ZC3H3: variants seen among roughly 807,000 people sequenced by gnomAD.
ZC3H3 encodes the protein zinc finger CCCH domain-containing protein 3.
A neutral mutation model predicts 77.3 loss-of-function variants in ZC3H3; 36 were observed. The observed-to-expected ratio is 0.47, with a 90% confidence interval of 0.36 to 0.61. The LOEUF is 0.61. ZC3H3 is among the 20% of genes least tolerant of loss of function. The pLI is 0.00. For missense variants in ZC3H3, 1,331 were observed against 1,312.2 expected (o/e 1.01, Z -0.22); for synonymous variants, 626 against 555.2 (o/e 1.13, Z -1.79).
Position 143,538,421 on chromosome 8 carries a change from C to T in ZC3H3, c.946G>A (p.Ala316Thr), listed in dbSNP as rs776470150. The T allele has an allele frequency of 2.5e-6, 4 of 1,613,258 alleles. No homozygotes were observed. Among genetic ancestry groups the T allele is most frequent in the Middle Eastern group, 3.3e-4 (2 of 6,062 alleles). The change falls in exon 2 of 12, where the codon GCC becomes ACC. Residue 316 changes from alanine (A) to threonine (T), a missense_variant. Transcript: ENST00000262577. Reference protein sequence around the residue: ...FRKNNYKWVAASSKSPRVARR... With the variant: ...FRKNNYKWVATSSKSPRVARR... ...GCAACCCGGGGACTCTTCGAGGAGG[C>T]AGCCACCCATTTGTAGTTGTTTTTC...
chr8:143,492,533 G>A (rs577740405), intron 4 of ZC3H3, among the ~76,000 whole-genome samples: 17 of 152,320 alleles, frequency 1.1e-4, no homozygotes, highest in Admixed American at 9.8e-4. Flanking sequence ...AACAGACCTG[G>A]ACCCAGAGCC....
intron 4 of ZC3H3, among the ~76,000 whole-genome samples, chr8:143,477,837 C>G (rs75603703): frequency 0.13 from 20,473 of 152,194 alleles, 1,522 homozygotes; most frequent in Admixed American, 0.18. Context: ...GGGTGCACCC[C>G]CCCACCGCAG....
intron 4 of ZC3H3, among the ~76,000 whole-genome samples, chr8:143,503,955 C>T (rs937874258): frequency 2.0e-5 from 3 of 152,172 alleles, no homozygotes; most frequent in South Asian, 2.1e-4. Context: ...ACCACCAGGC[C>T]GACAGTAAGT....
In ZC3H3 at chr8:143,528,610, T is replaced by G. The variant is rs997225108; in HGVS notation, c.1561+7647A>C. 3.3e-5 allele frequency among the ~76,000 whole-genome samples: 5 copies of G among 152,190 alleles called. No individual in the cohort carries two copies. In the South Asian group the frequency reaches 1.0e-3, roughly 31 times the overall value. On this transcript the variant is annotated intron_variant, in intron 3 of 11. Transcript: ENST00000262577. ...CCCACTTGCTCACTGAGCCTCTGAG[T>G]GCTGCTGCCGACCTCCACCGGCCTG...
At chr8:143,443,780 A>T (rs546148042) in intron 9 of ZC3H3, among the ~76,000 whole-genome samples, 1 of 152,254 alleles carries the variant, frequency 6.6e-6, no homozygotes. Flanking sequence ...GATGCTGCAG[A>T]TGATGAAAGA....
At chr8:143,513,999 C>T (rs1423302256) in intron 3 of ZC3H3, among the ~76,000 whole-genome samples, 1 of 152,196 alleles carries the variant, frequency 6.6e-6, no homozygotes, top group Non-Finnish European at 1.5e-5. Context: ...TGAAGTCGGC[C>T]CAGTCTGAGT....
chr8:143,508,038 C>A, intron 3 of ZC3H3, 139 bp from the exon 4 acceptor site: 1 of 1,053,112 alleles, frequency 9.5e-7, no homozygotes, highest in Non-Finnish European at 1.3e-6. Flanking sequence ...TGGATAAAAC[C>A]CTCAACCCAT....
chr8:143,486,551 T>C (rs1392997124), intron 4 of ZC3H3, among the ~76,000 whole-genome samples: 1 of 152,164 alleles, frequency 6.6e-6, no homozygotes, highest in African/African-American at 2.4e-5. Context: ...TCCCCAAACG[T>C]AGTCACATTG....
intron 5 of ZC3H3, among the ~76,000 whole-genome samples, chr8:143,472,828 C>G (rs147614085): frequency 6.6e-6 from 1 of 152,324 alleles, no homozygotes; most frequent in East Asian, 1.9e-4. Flanking sequence ...GGACGCACCG[C>G]GACCTGGGTG....
At chr8:143,514,188 C>T (rs1821958954) in intron 3 of ZC3H3, among the ~76,000 whole-genome samples, 2 of 152,186 alleles carry the variant, frequency 1.3e-5, no homozygotes, top group Admixed American at 1.3e-4. Context: ...TCCCCGAGGT[C>T]CACCATGTGC....
Position 143,530,956 on chromosome 8 carries a change from CTTT to C in ZC3H3, c.1561+5298_1561+5300del, listed in dbSNP as rs3058418. Among the ~76,000 whole-genome samples, 91 of 133,506 alleles carry C rather than the reference CTTT, an allele frequency of 6.8e-4. No homozygotes were observed. Among genetic ancestry groups the C allele is most frequent in the Admixed American group, 1.2e-3 (16 of 13,312 alleles). The allele number at this position is 133,506 out of a possible 152,430, so 87.6% of individuals were successfully genotyped here. On this transcript the variant is annotated intron_variant, in intron 3 of 11. Coordinates refer to ENST00000262577, the MANE Select transcript of ZC3H3 (RefSeq NM_015117.3). This position sits in a 1 kb window ranked among gnomAD's most constrained non-coding sequence, Gnocchi z 4.3. ...CCCTTCTGGGGCTGTCTTCTATCTC[CTTT>C]TTTTTTTTTTTTTTTTTTGAGACAG...
At chr8:143,483,222 TG>T (rs1820955562) in intron 4 of ZC3H3, among the ~76,000 whole-genome samples, 1 of 152,188 alleles carries the variant, frequency 6.6e-6, no homozygotes, top group Non-Finnish European at 1.5e-5. Context: ...ACTGCTTAAG[TG>T]GGGCTTTCCA....
chr8:143,440,233 A>C lies in ZC3H3; in HGVS notation c.2623T>G (p.Ser875Ala), dbSNP rs560922130. The change falls in exon 11 of 12, where the codon TCC becomes GCC. Residue 875 changes from serine (S) to alanine (A), a missense_variant. By Grantham distance (99) the Ser-to-Ala change is moderately conservative. Around this residue, in one of 3 missense-constraint regions of ZC3H3, gnomAD observed 249 missense variants for 236.9 expected, o/e 1.05. Transcript: ENST00000262577. ...GGAGGGGATGAGGAGGAGGAGGAGG[A>C]GGAGGAAGCCTTCGAGGATGAGGGA... Reference protein sequence around the residue: ...ASPSSSKASSSSSSSSSPPAS... With the variant: ...ASPSSSKASSASSSSSSPPAS... The C allele has an allele frequency of 2.3e-5, 37 of 1,603,584 alleles. No individual in the cohort carries two copies. Among genetic ancestry groups the C allele is most frequent in the Non-Finnish European group, 3.0e-5 (35 of 1,176,246 alleles).
rs1563856017 is a variant in ZC3H3, at chr8:143,488,416, AT to A, written c.1716-12832del. ...AGAACAGCACCCGCTACACGGCCCC[AT>A]CACCACGAAGCTCACACACAGAACA... On this transcript the variant is annotated intron_variant, in intron 4 of 11. Coordinates refer to ENST00000262577, the MANE Select transcript of ZC3H3 (RefSeq NM_015117.3). Among the ~76,000 whole-genome samples, 9 of 133,172 alleles carry A rather than the reference AT, an allele frequency of 6.8e-5. 2 individuals are homozygous for A. Among genetic ancestry groups the A allele is most frequent in the African/African-American group, 2.9e-4 (9 of 31,484 alleles). 87.4% of individuals were successfully genotyped at this position (133,172 alleles called of 152,430 possible). A position where few individuals can be genotyped will look rare whatever the true frequency, so the allele number is the denominator to read the frequency against.
rs1447549386 is a variant in ZC3H3, at chr8:143,468,395, C to T, written c.2092G>A (p.Ala698Thr). 6.2e-7 allele frequency: 1 copy of T among 1,612,650 alleles called. No homozygotes were observed. The highest frequency in any genetic ancestry group is 8.5e-7 in the Non-Finnish European group (1 of 1,179,748). ...GCAGGAGGGCACCTGGTGCACACGGCCACCTTCTCGGGATCGTGGATGTAG... is the reference window on the plus strand; with the variant it reads ...GCAGGAGGGCACCTGGTGCACACGGTCACCTTCTCGGGATCGTGGATGTAG... ...CPYIHDPEKV[A>T]VCTRFVRGTC... The change falls in exon 7 of 12, where the codon GCC (alanine) becomes ACC (threonine). Residue 698 changes from alanine to threonine, a missense_variant. Coordinates refer to ENST00000262577, the MANE Select transcript of ZC3H3 (RefSeq NM_015117.3).
chr8:143,537,261 T>A (rs942808815), intron 2 of ZC3H3, among the ~76,000 whole-genome samples: 1 of 152,220 alleles, frequency 6.6e-6, no homozygotes, highest in Non-Finnish European at 1.5e-5. Flanking sequence ...TGACTCTGCC[T>A]GGCTGCCTGG....
At position 143,437,798 on chromosome 8, in the gene ZC3H3, G is replaced by A; in HGVS notation, c.*258C>T. On this transcript the variant is annotated 3_prime_UTR_variant, in exon 12 of 12. Transcript: ENST00000262577. ...TGTTGCCAATGGCAGTCGGGGACAG[G>A]CCTGGAGGCCAGCCCTGCCTGGCAC... The A allele has an allele frequency of 3.6e-6, 2 of 550,662 alleles. No homozygotes were observed. The highest frequency in any genetic ancestry group is 5.0e-4 in the Middle Eastern group (1 of 1,996). 34.1% of individuals were successfully genotyped at this position (550,662 alleles called of 1,614,324 possible). A position where few individuals can be genotyped will look rare whatever the true frequency, so the allele number is the denominator to read the frequency against.
chr8:143,498,634 C>T (rs1821422539), intron 4 of ZC3H3, among the ~76,000 whole-genome samples: 1 of 151,936 alleles, frequency 6.6e-6, no homozygotes, highest in African/African-American at 2.4e-5. Context: ...TGCCCACTCA[C>T]CACCTTGGGC....
At chr8:143,468,358 C>T (rs1365024486) in intron 7 of ZC3H3, 24 bp downstream of exon 7, 2 of 1,611,802 alleles carry the variant, frequency 1.2e-6, no homozygotes, top group Admixed American at 1.7e-5. Flanking sequence ...CTCCCCCAGG[C>T]CCACAGCGAG....
Sources: gnomAD v4.1 joint callset for allele counts (sites outside exome capture counted in the v4.1 genomes callset) on GRCh38, gnomAD v4.1.1 for gene constraint, gnomAD v4.1.1 regional missense constraint, Gnocchi (gnomAD v3.1) non-coding constraint, MANE v1.5 for transcripts, NCBI Gene and HGNC (gene_info 2026-07-23, HGNC 2026-07-21) for gene names.